Variants in ZAP70 observed in about 807,000 individuals in gnomAD.
The protein encoded by ZAP70 is zeta chain of T cell receptor associated protein kinase 70, also known as tyrosine-protein kinase ZAP-70.
A neutral mutation model predicts 65.8 loss-of-function variants in ZAP70; 27 were observed. The observed-to-expected ratio is 0.41, with a 90% CI of 0.30 to 0.57. The LOEUF is 0.57. Among genes scored for constraint, ZAP70 ranks in the 20% least tolerant of loss-of-function variants. ZAP70 has a pLI of 0.28. For missense variants in ZAP70, 696 were observed against 870.5 expected, an observed-to-expected ratio of 0.80 and a Z score of 2.52; for synonymous variants, 363 against 360.8, an observed-to-expected ratio of 1.01 and a Z score of -0.07.
In ZAP70 at chr2:97,731,390, G is replaced by A. The variant is rs1345770049; in HGVS notation, c.564-1493G>A. Among the ~76,000 whole-genome samples, 4 of 152,148 alleles carry A rather than the reference G, an allele frequency of 2.6e-5. No individual in the cohort carries two copies. The highest frequency in any genetic ancestry group is 2.1e-4 in the South Asian group (1 of 4,816). The stretch of plus-strand genomic sequence containing the variant: ...TCACTGCGGGGTTTCACGTGACGGC[G>A]CTGCATCTGCTGTCCCAGCCTACTG... On this transcript the variant is annotated intron_variant, in intron 4 of 13. Coordinates refer to ENST00000264972, the MANE Select transcript of ZAP70 (RefSeq NM_001079.4). This position sits in a 1 kb window ranked among gnomAD's most constrained non-coding sequence, Gnocchi z 4.0.
intron 4 of ZAP70, among the ~76,000 whole-genome samples, chr2:97,729,622 T>C (rs1469745727): frequency 6.6e-6 from 1 of 152,210 alleles, no homozygotes; most frequent in Non-Finnish European, 1.5e-5. Context: ...AGGTTCTATG[T>C]ATTATTTTAA....
At chr2:97,728,984 C>T (rs1342560334) in intron 4 of ZAP70, among the ~76,000 whole-genome samples, 1 of 152,352 alleles carries the variant, frequency 6.6e-6, no homozygotes, top group African/African-American at 2.4e-5. Flanking sequence ...AACTCCTGAC[C>T]TCAGGTGATC....
chr2:97,735,224 G>C, intron 9 of ZAP70, 26 bp from the exon 10 acceptor site: 1 of 1,613,298 alleles, frequency 6.2e-7, no homozygotes, highest in Non-Finnish European at 8.5e-7. Flanking sequence ...CCTCGCCCAC[G>C]TGCCTCCCGT....
the ZAP70 span, among the ~76,000 whole-genome samples, chr2:97,749,128 G>T: frequency 6.7e-6 from 1 of 149,764 alleles, no homozygotes; most frequent in Non-Finnish European, 1.5e-5. Flanking sequence ...TCCTGCCTCA[G>T]CCTCCCGAGT....
At chr2:97,727,282 A>AG (rs1296857226) in intron 4 of ZAP70, among the ~76,000 whole-genome samples, 3 of 152,278 alleles carry the variant, frequency 2.0e-5, no homozygotes, top group African/African-American at 7.2e-5. Flanking sequence ...GGTTGGTCGT[A>AG]GGATTGGATG....
chr2:97,735,422 G>A lies in ZAP70; in HGVS notation c.1255G>A (p.Gly419Ser), dbSNP rs1197809501. Residue 419 changes from glycine (G) to serine (S), a missense_variant, in exon 10 of 14, where the codon GGC becomes AGC. Gly to Ser is a moderately conservative substitution (Grantham distance 56). Coordinates refer to ENST00000264972, the MANE Select transcript of ZAP70 (RefSeq NM_001079.4). ...ALMLVMEMAG[G>S]GPLHKFLVGK... ...CATGCTGGTCATGGAGATGGCTGGG[G>A]GCGGGCCGCTGCACAAGTTCCTGGT... The A allele has an allele frequency of 6.2e-7, 1 of 1,613,396 alleles. No homozygotes were observed. Among genetic ancestry groups the A allele is most frequent in the Non-Finnish European group, 8.5e-7 (1 of 1,179,628 alleles).
At chr2:97,733,421 G>A in intron 7 of ZAP70, 78 bp downstream of exon 7, 3 of 1,595,612 alleles carry the variant, frequency 1.9e-6, no homozygotes, top group East Asian at 2.3e-5. Flanking sequence ...GATGGAGGCT[G>A]GGGTGCCTGT....
Position 97,724,145 on chromosome 2 carries a change from C to G in ZAP70, c.109C>G (p.Arg37Gly), listed in dbSNP as rs1573261820. 1 of 1,573,214 alleles carries G rather than the reference C, an allele frequency of 6.4e-7. No individual in the cohort carries two copies. The highest frequency in any genetic ancestry group is 1.8e-5 in the Admixed American group (1 of 56,466). Residue 37 changes from arginine (R) to glycine (G), a missense_variant, in exon 3 of 14, where the codon CGC becomes GGC. By Grantham distance (125) the Arg-to-Gly change is moderately radical. Around this residue, in one of 3 missense-constraint regions of ZAP70, gnomAD observed 551 missense variants for 630.0 expected, o/e 0.87. Transcript: ENST00000264972. ...CATGGCGGACGGGCTCTTCCTGCTGCGCCAGTGCCTGCGCTCGCTGGGCGG... is the reference window on the plus strand; with the variant it reads ...CATGGCGGACGGGCTCTTCCTGCTGGGCCAGTGCCTGCGCTCGCTGGGCGG... ...AGMADGLFLL[R>G]QCLRSLGGYV...
chr2:97,724,625 T>A, intron 3 of ZAP70, 187 bp downstream of exon 3: 2 of 1,532,946 alleles, frequency 1.3e-6, no homozygotes, highest in Non-Finnish European at 1.7e-6. Context: ...GGCTCCGTGG[T>A]GGCGGTCGCC....
At chr2:97,718,286 G>A (rs898883173) in intron 2 of ZAP70, among the ~76,000 whole-genome samples, 1 of 152,150 alleles carries the variant, frequency 6.6e-6, no homozygotes, top group Non-Finnish European at 1.5e-5. Flanking sequence ...TCACCCCGGG[G>A]AGCTCTAGAT....
chr2:97,733,508 C>A (rs774406382), intron 7 of ZAP70, 36 bp from the exon 8 acceptor site: 1 of 1,613,330 alleles, frequency 6.2e-7, no homozygotes, highest in Admixed American at 1.7e-5. Context: ...GGCTGGACGT[C>A]CCCAGCTCAG....
chr2:97,747,293 A>C, the ZAP70 span, among the ~76,000 whole-genome samples: 1 of 152,262 alleles, frequency 6.6e-6, no homozygotes, highest in Non-Finnish European at 1.5e-5. Context: ...TATTCATAAC[A>C]GCCAAAAAGT....
intron 4 of ZAP70, among the ~76,000 whole-genome samples, chr2:97,728,504 T>G (rs1677478127): frequency 6.6e-6 from 1 of 152,240 alleles, no homozygotes; most frequent in Non-Finnish European, 1.5e-5. Flanking sequence ...TCCTGTAGTC[T>G]ATAACTGCTT....
chr2:97,736,560 C>T lies in ZAP70; in HGVS notation c.1290-913C>T, dbSNP rs1677893147. Among the ~76,000 whole-genome samples the T allele has an allele frequency of 6.6e-6, 1 of 152,200 alleles. No homozygotes were observed. Among genetic ancestry groups the T allele is most frequent in the Admixed American group, 6.5e-5 (1 of 15,276 alleles). On this transcript the variant is annotated intron_variant, in intron 10 of 13. Transcript: ENST00000264972. This position sits in a 1 kb window ranked among gnomAD's most constrained non-coding sequence, Gnocchi z 4.0. The stretch of plus-strand genomic sequence containing the variant: ...AGAAGAGAGACAGTAAGTAACAATC[C>T]TGATGAAATCTAGAGCATGTGGGAA...
chr2:97,739,317 G>A, intron 13 of ZAP70, 58 bp from the exon 14 acceptor site: 2 of 1,606,520 alleles, frequency 1.2e-6, no homozygotes, highest in Non-Finnish European at 1.7e-6. Flanking sequence ...CCCACCCACT[G>A]GTGAAGCTGG....
chr2:97,735,174 ATGGG>A, intron 9 of ZAP70, 72 bp from the exon 10 acceptor site: 4 of 1,526,926 alleles, frequency 2.6e-6, no homozygotes, highest in Non-Finnish European at 3.6e-6. Context: ...GAGAAGAGAG[ATGGG>A]TGGGTGGGGG....
chr2:97,751,757 T>C, the ZAP70 span, among the ~76,000 whole-genome samples: 1 of 152,138 alleles, frequency 6.6e-6, no homozygotes, highest in African/African-American at 2.4e-5. Flanking sequence ...CTGGGTGCAC[T>C]CCTGGTGGAG....
At chr2:97,720,304 T>G (rs983412803) in intron 2 of ZAP70, among the ~76,000 whole-genome samples, 6 of 152,144 alleles carry the variant, frequency 3.9e-5, no homozygotes, top group African/African-American at 1.4e-4. Flanking sequence ...CTCGGCTCAC[T>G]GCAACTTCCA....
Position 97,721,465 on chromosome 2 carries a change from G to A in ZAP70, c.-21-2551G>A, listed in dbSNP as rs1677151253. 2.6e-5 allele frequency among the ~76,000 whole-genome samples: 4 copies of A among 152,186 alleles called. No individual in the cohort carries two copies. In the South Asian group the frequency reaches 8.3e-4, roughly 32 times the overall value. Reference sequence around the variant, plus strand: ...GTCTCACTCTGTCGCCCAGGCTGGAGTGCAATGGCGTGACCTCAGCTCACT... The same window carrying A: ...GTCTCACTCTGTCGCCCAGGCTGGAATGCAATGGCGTGACCTCAGCTCACT... On this transcript the variant is annotated intron_variant, in intron 2 of 13. Transcript: ENST00000264972.
Sources: allele counts gnomAD v4.1 joint callset (sites outside exome capture counted in the v4.1 genomes callset), GRCh38; gene constraint gnomAD v4.1.1; regional missense constraint gnomAD v4.1.1; non-coding constraint Gnocchi (gnomAD v3.1); transcripts MANE v1.5; gene names NCBI Gene and HGNC (gene_info 2026-07-23, HGNC 2026-07-21).